The following GTF2F2 variants were observed in gnomAD, a reference collection of about 807,000 sequenced individuals.
GTF2F2 encodes the protein ATP-dependent helicase GTF2F2.
Under a neutral mutation model 42.2 loss-of-function variants are expected in GTF2F2, and 23 were observed. That is an observed-to-expected ratio of 0.55 (90% CI 0.39 to 0.77). GTF2F2 has a LOEUF of 0.77. Ranked by LOEUF, GTF2F2 falls within the 30% of genes least tolerant of loss-of-function variation. The probability of loss-of-function intolerance (pLI) is 0.00; values close to 1 mark genes in which losing one functional copy is unlikely to be tolerated. For missense variants in GTF2F2, 261 were observed against 287.2 expected (o/e 0.91, Z 0.66); for synonymous variants, 105 against 100.8 (o/e 1.04, Z -0.25).
chr13:45,227,777 C>A (rs1874432231), intron 5 of GTF2F2, among the ~76,000 whole-genome samples: 1 of 152,134 alleles, frequency 6.6e-6, no homozygotes, highest in Non-Finnish European at 1.5e-5. Flanking sequence ...TGCTGGTGCT[C>A]ACTTTTTAGG....
intron 5 of GTF2F2, among the ~76,000 whole-genome samples, chr13:45,247,097 C>G (rs933944103): frequency 1.0e-4 from 15 of 150,204 alleles, no homozygotes; most frequent in Non-Finnish European, 1.9e-4. Flanking sequence ...CGCCTGTAAT[C>G]CCAGCTCTTT....
At chr13:45,224,260 A>G (rs1308369208) in intron 5 of GTF2F2, among the ~76,000 whole-genome samples, 3 of 152,072 alleles carry the variant, frequency 2.0e-5, no homozygotes, top group African/African-American at 7.2e-5. Flanking sequence ...TGTCATGTTG[A>G]TTGTGTTACT....
intron 1 of GTF2F2, among the ~76,000 whole-genome samples, chr13:45,129,283 G>A (rs549908854): frequency 6.6e-6 from 1 of 152,242 alleles, no homozygotes; most frequent in South Asian, 2.1e-4. Context: ...ATCATGGTTC[G>A]CTGCAGCCTC....
At chr13:45,161,880 C>T (rs1015436255) in intron 4 of GTF2F2, among the ~76,000 whole-genome samples, 2 of 151,990 alleles carry the variant, frequency 1.3e-5, no homozygotes, top group African/African-American at 4.8e-5. Context: ...ATTTTTTTAA[C>T]CAGATTTGAA....
intron 4 of GTF2F2, among the ~76,000 whole-genome samples, chr13:45,167,497 A>C (rs1871350744): frequency 6.7e-6 from 1 of 150,222 alleles, no homozygotes; most frequent in South Asian, 2.1e-4. Context: ...TCCCAGGTTC[A>C]AGTGATTCTC....
At chr13:45,225,955 A>T (rs1305152587) in intron 5 of GTF2F2, among the ~76,000 whole-genome samples, 1 of 152,174 alleles carries the variant, frequency 6.6e-6, no homozygotes, top group Non-Finnish European at 1.5e-5. Flanking sequence ...AATTAACTCA[A>T]CAAGTATGAA....
chr13:45,195,578 C>T (rs1156960394), intron 4 of GTF2F2, among the ~76,000 whole-genome samples: 4 of 152,136 alleles, frequency 2.6e-5, no homozygotes, highest in Non-Finnish European at 5.9e-5. Flanking sequence ...ATCACCAAAG[C>T]CTAACCTTGT....
intron 5 of GTF2F2, among the ~76,000 whole-genome samples, chr13:45,222,058 C>G (rs928676705): frequency 2.6e-5 from 4 of 152,174 alleles, no homozygotes; most frequent in African/African-American, 9.7e-5. Context: ...GCCGCCACTA[C>G]CACCACCTAA....
chr13:45,235,574 A>G (rs1176804363), intron 5 of GTF2F2, among the ~76,000 whole-genome samples: 2 of 151,458 alleles, frequency 1.3e-5, no homozygotes, highest in East Asian at 1.9e-4. Flanking sequence ...AATTATGTCC[A>G]TATGCTTTCT....
chr13:45,175,679 A>G (rs958215673), intron 4 of GTF2F2, among the ~76,000 whole-genome samples: 1 of 152,072 alleles, frequency 6.6e-6, no homozygotes, highest in Admixed American at 6.5e-5. Context: ...CTGAAGTGCA[A>G]TGGCACTATC....
intron 5 of GTF2F2, among the ~76,000 whole-genome samples, chr13:45,244,233 G>A (rs767322581): frequency 1.3e-4 from 20 of 152,158 alleles, no homozygotes; most frequent in Non-Finnish European, 2.9e-4. Context: ...CTAAGTTCGT[G>A]AAGTTTTTAT....
At chr13:45,263,402 G>A (rs1469140023) in intron 6 of GTF2F2, among the ~76,000 whole-genome samples, 1 of 151,952 alleles carries the variant, frequency 6.6e-6, no homozygotes, top group Non-Finnish European at 1.5e-5. Flanking sequence ...CTAATTTTTT[G>A]TATTTTTAGT....
At chr13:45,149,316 A>G (rs1870361575) in intron 2 of GTF2F2, among the ~76,000 whole-genome samples, 1 of 151,176 alleles carries the variant, frequency 6.6e-6, no homozygotes, top group Non-Finnish European at 1.5e-5. Context: ...GATGGCATGC[A>G]CTTGTAGACC....
At chr13:45,173,601 A>G (rs1338036924) in intron 4 of GTF2F2, among the ~76,000 whole-genome samples, 4 of 144,122 alleles carry the variant, frequency 2.8e-5, no homozygotes, top group African/African-American at 1.0e-4. Context: ...CTGCATTTTT[A>G]TAACTTTGTC....
chr13:45,280,358 C>G (rs1170795164), intron 7 of GTF2F2, among the ~76,000 whole-genome samples: 1 of 152,160 alleles, frequency 6.6e-6, no homozygotes, highest in African/African-American at 2.4e-5. Context: ...CCATGTCTTC[C>G]CTTTAGAGAT....
chr13:45,124,491 G>A (rs1868866927), intron 1 of GTF2F2, among the ~76,000 whole-genome samples: 1 of 151,720 alleles, frequency 6.6e-6, no homozygotes, highest in South Asian at 2.1e-4. Context: ...GAGGTTGGGA[G>A]TTGGAGACCA....
chr13:45,178,235 G>C (rs1251510099), intron 4 of GTF2F2, among the ~76,000 whole-genome samples: 1 of 151,582 alleles, frequency 6.6e-6, no homozygotes, highest in Admixed American at 6.6e-5. Flanking sequence ...TTTTCTGCTT[G>C]TGCTACACTC....
chr13:45,147,642 A>G (rs111307276), intron 2 of GTF2F2, among the ~76,000 whole-genome samples: 1 of 152,228 alleles, frequency 6.6e-6, no homozygotes, highest in African/African-American at 2.4e-5. Context: ...TCCTCAACAA[A>G]GAAGAGACTG....
At chr13:45,190,576 A>G (rs1872577381) in intron 4 of GTF2F2, among the ~76,000 whole-genome samples, 1 of 152,194 alleles carries the variant, frequency 6.6e-6, no homozygotes, top group Non-Finnish European at 1.5e-5. Flanking sequence ...CTTCATCAGT[A>G]AAAAGGAAAG....
Sources: allele counts gnomAD v4.1 joint callset (sites outside exome capture counted in the v4.1 genomes callset), GRCh38; gene constraint gnomAD v4.1.1; transcripts MANE v1.5; gene names NCBI Gene and HGNC (gene_info 2026-07-23, HGNC 2026-07-21).